The following KCND2 variants were observed in gnomAD, a reference collection of about 807,000 sequenced individuals.
KCND2 encodes potassium voltage-gated channel subfamily D member 2.
KCND2 carries 16 observed loss-of-function variants against 54.4 expected under a neutral mutation model. The ratio of observed to expected loss-of-function variants is 0.29; its 90% CI spans 0.20 to 0.45. The LOEUF is 0.45. Among genes scored for constraint, KCND2 ranks in the 20% least tolerant of loss-of-function variants. The pLI, the probability that KCND2 is intolerant of heterozygous loss-of-function variation, is 1.00. For missense variants in KCND2, 486 were observed against 824.2 expected (o/e 0.59, Z 5.02); for synonymous variants, 317 against 310.7 (o/e 1.02, Z -0.21).
At chr7:120,343,211 A>G (rs1584739017) in intron 1 of KCND2, among the ~76,000 whole-genome samples, 1 of 152,180 alleles carries the variant, frequency 6.6e-6, no homozygotes, top group Non-Finnish European at 1.5e-5. Context: ...AGAGGCTGGG[A>G]AATGCAGTCT....
At chr7:120,617,892 C>T (rs1218051204) in intron 1 of KCND2, among the ~76,000 whole-genome samples, 1 of 152,110 alleles carries the variant, frequency 6.6e-6, no homozygotes, top group African/African-American at 2.4e-5. Flanking sequence ...AGGCCATTAT[C>T]CTAAGCAAAT....
rs1469661069 is a variant in KCND2, at chr7:120,295,569, A to G, written c.1115+19822A>G. On this transcript the variant is annotated intron_variant, in intron 1 of 5. Coordinates refer to ENST00000331113, the MANE Select transcript of KCND2 (RefSeq NM_012281.3). ...CTGAATGAAGCATTTGAGGTTGAAT[A>G]TGAGCTATCAAGAGGAATGGGAATA... Among the ~76,000 whole-genome samples, 3 of 152,024 alleles carry G rather than the reference A, an allele frequency of 2.0e-5. No homozygotes were observed. The Admixed American group carries it at 2.0e-4, about 10-fold the overall frequency.
At chr7:120,697,183 C>A (rs908164829) in intron 1 of KCND2, among the ~76,000 whole-genome samples, 1 of 152,174 alleles carries the variant, frequency 6.6e-6, no homozygotes, top group African/African-American at 2.4e-5. Context: ...TTTCTCCTTT[C>A]AGCTGTGATT....
chr7:120,475,810 C>G (rs1023474673), intron 1 of KCND2, among the ~76,000 whole-genome samples: 2 of 152,140 alleles, frequency 1.3e-5, no homozygotes, highest in Non-Finnish European at 2.9e-5. Flanking sequence ...TTACTCTTAA[C>G]ACAGATCACC....
At chr7:120,362,862 G>A (rs1400901879) in intron 1 of KCND2, among the ~76,000 whole-genome samples, 1 of 152,004 alleles carries the variant, frequency 6.6e-6, no homozygotes, top group Non-Finnish European at 1.5e-5. Context: ...CACCTCTATA[G>A]GTTGGATGCA....
intron 1 of KCND2, among the ~76,000 whole-genome samples, chr7:120,398,854 G>A (rs1353400156): frequency 1.3e-5 from 2 of 152,052 alleles, no homozygotes; most frequent in African/African-American, 2.4e-5. Flanking sequence ...CTGGTGGCAA[G>A]AAAACAATAG....
At chr7:120,699,943 T>C (rs2116025524) in intron 1 of KCND2, among the ~76,000 whole-genome samples, 1 of 152,194 alleles carries the variant, frequency 6.6e-6, no homozygotes. Flanking sequence ...AGAACCCCAA[T>C]AAAAACAATA....
At chr7:120,551,058 C>T (rs1792099508) in intron 1 of KCND2, among the ~76,000 whole-genome samples, 1 of 152,146 alleles carries the variant, frequency 6.6e-6, no homozygotes, top group African/African-American at 2.4e-5. Context: ...TCAATATAGC[C>T]TCATGGCTTT....
intron 1 of KCND2, among the ~76,000 whole-genome samples, chr7:120,550,607 A>C (rs17142819): frequency 0.022 from 3,330 of 152,288 alleles, 123 homozygotes; most frequent in African/African-American, 0.076. Context: ...TTTACAAGCC[A>C]GCACTTTGTA....
chr7:120,691,412 A>G (rs1248962771), intron 1 of KCND2, among the ~76,000 whole-genome samples: 3 of 152,190 alleles, frequency 2.0e-5, no homozygotes, highest in Non-Finnish European at 4.4e-5. Context: ...GAGATTGGAC[A>G]GTAAATATAT....
Position 120,274,598 on chromosome 7 carries a change from C to G in KCND2, c.-35C>G, listed in dbSNP as rs1236806299. The G allele has an allele frequency of 3.1e-6, 5 of 1,614,042 alleles. No homozygotes were observed. In the South Asian group the frequency reaches 5.5e-5, roughly 18 times the overall value. On this transcript the variant is annotated 5_prime_UTR_variant, in exon 1 of 6. Transcript: ENST00000331113. ...CTGCTTCGGTGACCCATTGTAGACG[C>G]CTCGTTACCCTTCTTCCTTCCGCTT...
At chr7:120,420,160 A>C in intron 1 of KCND2, among the ~76,000 whole-genome samples, 1 of 152,040 alleles carries the variant, frequency 6.6e-6, no homozygotes, top group East Asian at 1.9e-4. Context: ...TGATTAATCT[A>C]TGCAAGGCCT....
chr7:120,624,172 A>G (rs1793136770), intron 1 of KCND2, among the ~76,000 whole-genome samples: 2 of 152,216 alleles, frequency 1.3e-5, no homozygotes, highest in African/African-American at 2.4e-5. Flanking sequence ...CAGGATTTAA[A>G]TTTAACACCA....
At chr7:120,406,310 C>A (rs1246168495) in intron 1 of KCND2, among the ~76,000 whole-genome samples, 1 of 151,932 alleles carries the variant, frequency 6.6e-6, no homozygotes, top group Non-Finnish European at 1.5e-5. Flanking sequence ...CTGGTTTGTA[C>A]AACATAAAAG....
chr7:120,639,475 A>G (rs1793345183), intron 1 of KCND2, among the ~76,000 whole-genome samples: 1 of 152,164 alleles, frequency 6.6e-6, no homozygotes, highest in South Asian at 2.1e-4. Flanking sequence ...TCCCAGTTCT[A>G]GCAGAGAGCA....
intron 1 of KCND2, among the ~76,000 whole-genome samples, chr7:120,356,836 G>A (rs574703129): frequency 1.2e-4 from 18 of 151,966 alleles, no homozygotes; most frequent in Admixed American, 2.6e-4. Flanking sequence ...CAGACTAATC[G>A]CAAGCTCCAT....
intron 1 of KCND2, among the ~76,000 whole-genome samples, chr7:120,535,223 T>A (rs1258222915): frequency 6.6e-6 from 1 of 152,212 alleles, no homozygotes; most frequent in African/African-American, 2.4e-5. Context: ...ATACACATTC[T>A]GTGCACTTTT....
intron 1 of KCND2, among the ~76,000 whole-genome samples, chr7:120,404,528 AAAAG>A (rs964999635): frequency 5.3e-5 from 8 of 152,186 alleles, no homozygotes; most frequent in Admixed American, 4.6e-4. Context: ...TTTGCAGGAA[AAAAG>A]AAAGAAAAAC....
chr7:120,505,616 G>A (rs1342050967), intron 1 of KCND2, among the ~76,000 whole-genome samples: 1 of 151,612 alleles, frequency 6.6e-6, no homozygotes, highest in Non-Finnish European at 1.5e-5. Context: ...ATGATCTCTT[G>A]CCCATGGACC....
Sources: allele counts gnomAD v4.1 joint callset (sites outside exome capture counted in the v4.1 genomes callset), GRCh38; gene constraint gnomAD v4.1.1; transcripts MANE v1.5; gene names NCBI Gene and HGNC (gene_info 2026-07-23, HGNC 2026-07-21).